The following B3GALT1 variants were observed in gnomAD, a reference collection of about 807,000 sequenced individuals.
B3GALT1 encodes beta-1,3-galactosyltransferase 1, also known as UDP-Gal:betaGlcNAc beta 1,3-galactosyltransferase, polypeptide 1.
B3GALT1 carries 10 observed loss-of-function variants against 23.2 expected under a neutral mutation model. The observed-to-expected ratio is 0.43, with a 90% CI of 0.27 to 0.73. The LOEUF (loss-of-function observed/expected upper bound fraction) is 0.73. Among genes scored for constraint, B3GALT1 ranks in the 30% least tolerant of loss-of-function variants. The pLI is 0.21. For missense variants in B3GALT1, 299 were observed against 405.4 expected (o/e 0.74, Z 2.25); for synonymous variants, 156 against 141.5 (o/e 1.10, Z -0.73).
intron 1 of B3GALT1, among the ~76,000 whole-genome samples, chr2:167,345,724 T>G (rs989514849): frequency 9.2e-5 from 14 of 152,166 alleles, no homozygotes; most frequent in African/African-American, 3.4e-4. Context: ...CTTAGTCAAC[T>G]AGTAGAGACA....
chr2:167,507,216 A>G (rs1278011052), intron 2 of B3GALT1, among the ~76,000 whole-genome samples: 1 of 152,142 alleles, frequency 6.6e-6, no homozygotes. Context: ...ATTAAAAAGT[A>G]GAATAAGAGG....
intron 2 of B3GALT1, among the ~76,000 whole-genome samples, chr2:167,623,225 A>G (rs559999436): frequency 6.6e-5 from 10 of 152,022 alleles, no homozygotes; most frequent in Non-Finnish European, 1.3e-4. Flanking sequence ...CCTCAAGGAT[A>G]TAGAACCAGA....
At chr2:167,504,434 T>C (rs1249938321) in intron 2 of B3GALT1, among the ~76,000 whole-genome samples, 1 of 152,146 alleles carries the variant, frequency 6.6e-6, no homozygotes, top group Admixed American at 6.6e-5. Flanking sequence ...ACCTCAAAGG[T>C]CCTGCTTTGA....
intron 3 of B3GALT1, among the ~76,000 whole-genome samples, chr2:167,661,690 T>G (rs1686062624): frequency 1.3e-5 from 2 of 152,074 alleles, no homozygotes; most frequent in Admixed American, 1.3e-4. Context: ...GAATAATTGT[T>G]CTGGATTGCT....
chr2:167,848,368 A>G (rs1229849022), intron 4 of B3GALT1, among the ~76,000 whole-genome samples: 2 of 152,174 alleles, frequency 1.3e-5, no homozygotes, highest in African/African-American at 4.8e-5. Context: ...ACCAAATCCA[A>G]CAATATATCA....
chr2:167,808,383 G>C (rs1000477895), intron 3 of B3GALT1, among the ~76,000 whole-genome samples: 4 of 151,544 alleles, frequency 2.6e-5, no homozygotes, highest in Admixed American at 6.6e-5. Flanking sequence ...AGTTGATGCA[G>C]TTTCTTCCTA....
At chr2:167,446,222 C>G (rs1412187950) in intron 1 of B3GALT1, among the ~76,000 whole-genome samples, 1 of 152,212 alleles carries the variant, frequency 6.6e-6, no homozygotes, top group African/African-American at 2.4e-5. Context: ...AGAGTTTCTG[C>G]TGAGAGATCT....
intron 2 of B3GALT1, among the ~76,000 whole-genome samples, chr2:167,626,620 T>A (rs1030613880): frequency 6.8e-6 from 1 of 147,254 alleles, no homozygotes; most frequent in Non-Finnish European, 1.5e-5. Context: ...GGGAAATATA[T>A]TTTTCCCTCT....
intron 2 of B3GALT1, among the ~76,000 whole-genome samples, chr2:167,581,339 G>A (rs373379688): frequency 1.9e-4 from 29 of 152,286 alleles, no homozygotes; most frequent in East Asian, 1.2e-3. Context: ...AGTGTAATGT[G>A]CCTTTAGAAA....
chr2:167,628,398 T>A (rs745636737), intron 2 of B3GALT1, among the ~76,000 whole-genome samples: 1 of 148,170 alleles, frequency 6.7e-6, no homozygotes, highest in African/African-American at 2.6e-5. Flanking sequence ...GAAACATGGC[T>A]TGTAGTACCA....
chr2:167,794,404 A>G (rs575410397), intron 3 of B3GALT1, among the ~76,000 whole-genome samples: 1 of 152,320 alleles, frequency 6.6e-6, no homozygotes, highest in East Asian at 1.9e-4. Flanking sequence ...CTGTTGATTT[A>G]CTGTTGCATA....
intron 3 of B3GALT1, among the ~76,000 whole-genome samples, chr2:167,689,113 A>T (rs930903084): frequency 1.4e-5 from 2 of 146,300 alleles, no homozygotes; most frequent in African/African-American, 5.1e-5. Flanking sequence ...TAGAAACGCC[A>T]TAGTCAAACC....
At chr2:167,397,199 C>T (rs1300312622) in intron 1 of B3GALT1, among the ~76,000 whole-genome samples, 1 of 151,858 alleles carries the variant, frequency 6.6e-6, no homozygotes, top group Non-Finnish European at 1.5e-5. Context: ...TTCCTTCCTT[C>T]ATTCATTCAT....
chr2:167,317,120 TCA>T (rs1696732664), intron 1 of B3GALT1, among the ~76,000 whole-genome samples: 1 of 152,148 alleles, frequency 6.6e-6, no homozygotes, highest in South Asian at 2.1e-4. Flanking sequence ...TCTAATTATT[TCA>T]CAGTGAAGCA....
intron 2 of B3GALT1, among the ~76,000 whole-genome samples, chr2:167,564,219 C>T (rs1347097753): frequency 3.3e-5 from 5 of 151,440 alleles, no homozygotes; most frequent in Admixed American, 1.3e-4. Context: ...CCTCACATCC[C>T]GGACGGGGCG....
intron 1 of B3GALT1, among the ~76,000 whole-genome samples, chr2:167,482,416 T>C (rs1357767548): frequency 6.6e-6 from 1 of 152,192 alleles, no homozygotes; most frequent in Non-Finnish European, 1.5e-5. Flanking sequence ...AATTAACTCT[T>C]TCAGGACACC....
At chr2:167,794,565 A>G (rs768766293) in intron 3 of B3GALT1, among the ~76,000 whole-genome samples, 12 of 152,222 alleles carry the variant, frequency 7.9e-5, no homozygotes, top group Non-Finnish European at 1.8e-4. Flanking sequence ...CTAACAGAAC[A>G]GAAAACCAGA....
intron 3 of B3GALT1, among the ~76,000 whole-genome samples, chr2:167,711,728 G>A (rs868470855): frequency 6.6e-6 from 1 of 152,156 alleles, no homozygotes; most frequent in African/African-American, 2.4e-5. Context: ...ACTGTGGGAG[G>A]CCAAGGTGGG....
At chr2:167,349,835 T>C (rs1697282593) in intron 1 of B3GALT1, among the ~76,000 whole-genome samples, 2 of 152,180 alleles carry the variant, frequency 1.3e-5, no homozygotes, top group Admixed American at 6.5e-5. Context: ...AAAGACGTAG[T>C]GTGTATCTTC....
Sources: gnomAD v4.1 joint callset for allele counts (sites outside exome capture counted in the v4.1 genomes callset) on GRCh38, gnomAD v4.1.1 for gene constraint, MANE v1.5 for transcripts, NCBI Gene and HGNC (gene_info 2026-07-23, HGNC 2026-07-21) for gene names.